Variants in CNBD1 observed in about 807,000 individuals in gnomAD.
CNBD1 encodes cyclic nucleotide-binding domain-containing protein 1.
In CNBD1, 71 loss-of-function variants were observed where a neutral mutation model predicts 54.4. The ratio of observed to expected loss-of-function variants is 1.30; its 90% CI spans 1.08 to 1.59. The LOEUF is 1.59. Ranked by LOEUF, CNBD1 falls within the 40% of genes most tolerant of loss-of-function variation. The pLI is 0.00. For synonymous variants in CNBD1, 182 were observed against 170.7 expected, an observed-to-expected ratio of 1.07 and a Z score of -0.51; for missense variants, 659 against 518.0, an observed-to-expected ratio of 1.27 and a Z score of -2.64.
At chr8:87,133,022 A>G (rs983129241) in intron 4 of CNBD1, among the ~76,000 whole-genome samples, 3 of 151,672 alleles carry the variant, frequency 2.0e-5, no homozygotes, top group African/African-American at 7.3e-5. Context: ...CTGTAAATCT[A>G]ATTGACTTCT....
chr8:87,390,519 T>C (rs746865033), intron 2 of CNBD1, among the ~76,000 whole-genome samples: 32 of 152,008 alleles, frequency 2.1e-4, no homozygotes, highest in Non-Finnish European at 4.0e-4. Flanking sequence ...ATCAGAAAAA[T>C]GCAAATCAAA....
chr8:86,952,609 A>C (rs1807653859), intron 4 of CNBD1, among the ~76,000 whole-genome samples: 1 of 151,932 alleles, frequency 6.6e-6, no homozygotes, highest in African/African-American at 2.4e-5. Context: ...CATATATAAC[A>C]TGTTATTAAA....
chr8:86,970,927 G>T (rs1023482615), intron 4 of CNBD1, among the ~76,000 whole-genome samples: 3 of 152,016 alleles, frequency 2.0e-5, no homozygotes. Context: ...TCAGTTATAC[G>T]TTTATCATTT....
intron 3 of CNBD1, among the ~76,000 whole-genome samples, chr8:86,935,004 G>GGTTTGTTT (rs139683366): frequency 6.7e-6 from 1 of 150,246 alleles, no homozygotes; most frequent in African/African-American, 2.5e-5. Flanking sequence ...GAAGCATTTG[G>GGTTTGTTT]GTTTGTTTGT....
intron 2 of CNBD1, among the ~76,000 whole-genome samples, chr8:87,414,475 A>G (rs1319307381): frequency 6.6e-6 from 1 of 152,140 alleles, no homozygotes; most frequent in Admixed American, 6.6e-5. Context: ...ATACATATGT[A>G]ACAAACCTGC....
intron 4 of CNBD1, among the ~76,000 whole-genome samples, chr8:87,053,030 G>A (rs564384180): frequency 1.3e-5 from 2 of 150,036 alleles, no homozygotes; most frequent in African/African-American, 2.4e-5. Flanking sequence ...GATAAGGGGT[G>A]GGGGGTTTGA....
chr8:87,031,295 C>T (rs17623133), intron 4 of CNBD1, among the ~76,000 whole-genome samples: 51,421 of 151,580 alleles, frequency 0.34, 9,126 homozygotes, highest in Admixed American at 0.44. Flanking sequence ...CCTTGGAGTA[C>T]ACCACATCAT....
intron 4 of CNBD1, among the ~76,000 whole-genome samples, chr8:87,000,316 C>T (rs1371905099): frequency 6.6e-6 from 1 of 152,122 alleles, no homozygotes; most frequent in Non-Finnish European, 1.5e-5. Context: ...GCCTCTTCCC[C>T]TTCTGCCATG....
At chr8:87,062,820 A>C (rs1475938758) in intron 4 of CNBD1, among the ~76,000 whole-genome samples, 5 of 152,330 alleles carry the variant, frequency 3.3e-5, no homozygotes, top group Admixed American at 3.3e-4. Flanking sequence ...GGCTTTGGTT[A>C]AAAGTATATT....
At chr8:87,109,740 G>A (rs1016594634) in intron 4 of CNBD1, among the ~76,000 whole-genome samples, 8 of 151,616 alleles carry the variant, frequency 5.3e-5, no homozygotes, top group African/African-American at 1.7e-4. Context: ...GGGTCTCACC[G>A]TGTTAGCCAG....
intron 8 of CNBD1, among the ~76,000 whole-genome samples, chr8:87,294,207 G>T (rs1033583233): frequency 6.6e-6 from 1 of 152,174 alleles, no homozygotes; most frequent in Non-Finnish European, 1.5e-5. Flanking sequence ...AGTGGTGACA[G>T]TAATAATGGA....
At chr8:86,969,421 A>G (rs1033205240) in intron 4 of CNBD1, among the ~76,000 whole-genome samples, 1 of 152,118 alleles carries the variant, frequency 6.6e-6, no homozygotes, top group Non-Finnish European at 1.5e-5. Context: ...TTTGAAAACC[A>G]CTACCAGTGG....
intron 10 of CNBD1, among the ~76,000 whole-genome samples, chr8:87,365,114 T>G: frequency 6.8e-6 from 1 of 146,634 alleles, no homozygotes; most frequent in South Asian, 2.1e-4. Context: ...GCACCAACAG[T>G]GTATAAGTGT....
intron 6 of CNBD1, among the ~76,000 whole-genome samples, chr8:87,256,015 A>ATATATATATT (rs1563526157): frequency 6.3e-5 from 1 of 15,782 alleles, no homozygotes; most frequent in African/African-American, 2.8e-4. Context: ...ATATATATAT[A>ATATATATATT]TTTTTTTTTT....
chr8:87,416,612 C>G (rs1807840552), intron 2 of CNBD1, among the ~76,000 whole-genome samples: 1 of 152,022 alleles, frequency 6.6e-6, no homozygotes, highest in Non-Finnish European at 1.5e-5. Flanking sequence ...TCTGGTCATT[C>G]TCTGGAAGAT....
chr8:87,316,258 G>A, intron 8 of CNBD1, among the ~76,000 whole-genome samples: 1 of 151,850 alleles, frequency 6.6e-6, no homozygotes, highest in East Asian at 1.9e-4. Flanking sequence ...ATCTCAAGGA[G>A]GTGAAGAGAA....
chr8:87,160,954 G>T (rs1314553840), intron 4 of CNBD1, among the ~76,000 whole-genome samples: 1 of 151,964 alleles, frequency 6.6e-6, no homozygotes, highest in Non-Finnish European at 1.5e-5. Flanking sequence ...TAAGGAATTG[G>T]CTTAACTGTT....
At chr8:86,930,671 G>T (rs1666171570) in intron 3 of CNBD1, among the ~76,000 whole-genome samples, 1 of 152,272 alleles carries the variant, frequency 6.6e-6, no homozygotes, top group East Asian at 1.9e-4. Context: ...TATAGAGGTT[G>T]GTTACAGCTG....
rs1812967857 is a variant in CNBD1, at chr8:87,166,601, C to A, written c.432-39392C>A. 6.6e-6 allele frequency among the ~76,000 whole-genome samples: 1 copy of A among 151,940 alleles called. No individual in the cohort carries two copies. ...CTCAGTTTCTCAATGTTCATTATTT[C>A]CAAAGTCCAGCCCTTCTCACAGTTC... On this transcript the variant is annotated intron_variant, in intron 4 of 10. Transcript: ENST00000518476. The surrounding 1 kb of genome is among the most constrained non-coding windows in gnomAD (Gnocchi z 4.3).
Sources: allele counts gnomAD v4.1 joint callset (sites outside exome capture counted in the v4.1 genomes callset), GRCh38; gene constraint gnomAD v4.1.1; non-coding constraint Gnocchi (gnomAD v3.1); transcripts MANE v1.5; gene names NCBI Gene and HGNC (gene_info 2026-07-23, HGNC 2026-07-21).